The following DLG2 variants were observed in gnomAD, a reference collection of about 807,000 sequenced individuals.
DLG2 encodes the protein disks large homolog 2.
Under a neutral mutation model 132.5 loss-of-function variants are expected in DLG2, and 45 were observed. That is an observed-to-expected ratio of 0.34 (90% CI 0.27 to 0.44). DLG2 has a LOEUF of 0.44. DLG2 is among the 20% of genes least tolerant of loss of function. The pLI, the probability that DLG2 is intolerant of heterozygous loss-of-function variation, is 1.00. For synonymous variants in DLG2, 424 were observed against 419.6 expected (o/e 1.01, Z -0.13); for missense variants, 1,045 against 1,196.9 (o/e 0.87, Z 1.87).
chr11:84,915,508 C>A (rs2092398625), intron 6 of DLG2, among the ~76,000 whole-genome samples: 1 of 152,180 alleles, frequency 6.6e-6, no homozygotes, highest in South Asian at 2.1e-4. Flanking sequence ...ATAGCAATTT[C>A]TGAACACACT....
At chr11:85,066,749 T>A (rs1020901466) in intron 6 of DLG2, among the ~76,000 whole-genome samples, 1 of 151,622 alleles carries the variant, frequency 6.6e-6, no homozygotes, top group Non-Finnish European at 1.5e-5. Context: ...TATCCTATCA[T>A]AATAAAAATC....
intron 7 of DLG2, among the ~76,000 whole-genome samples, chr11:84,366,188 C>A (rs998932574): frequency 2.0e-5 from 3 of 151,912 alleles, no homozygotes; most frequent in Non-Finnish European, 4.4e-5. Flanking sequence ...AATTTTCAAC[C>A]CAGAATTTCA....
At chr11:85,102,415 T>C (rs1050654679) in intron 6 of DLG2, among the ~76,000 whole-genome samples, 4 of 151,954 alleles carry the variant, frequency 2.6e-5, no homozygotes, top group African/African-American at 7.2e-5. Flanking sequence ...TGCTATGTCA[T>C]AGAAAAATAG....
intron 11 of DLG2, among the ~76,000 whole-genome samples, chr11:83,992,740 C>T (rs1031807235): frequency 6.6e-6 from 1 of 152,062 alleles, no homozygotes; most frequent in Non-Finnish European, 1.5e-5. Flanking sequence ...AGGTCACTCC[C>T]TCCACTGAAT....
At chr11:83,867,294 G>A (rs1375353547) in intron 16 of DLG2, among the ~76,000 whole-genome samples, 2 of 151,978 alleles carry the variant, frequency 1.3e-5, no homozygotes, top group Admixed American at 6.6e-5. Context: ...TGGGTTAAAG[G>A]TACCTAAATT....
chr11:83,475,632 T>C (rs907408657), intron 22 of DLG2, among the ~76,000 whole-genome samples: 2 of 152,052 alleles, frequency 1.3e-5, no homozygotes, highest in African/African-American at 4.8e-5. Context: ...AGATAGGGGC[T>C]GAAACCAGGT....
chr11:85,292,662 G>T, intron 3 of DLG2, among the ~76,000 whole-genome samples: 1 of 11,840 alleles, frequency 8.4e-5, no homozygotes, highest in South Asian at 3.8e-3. Flanking sequence ...GGAAGGGAGG[G>T]AGGGAGGGAG....
At chr11:85,265,656 T>C (rs1197316147) in intron 4 of DLG2, among the ~76,000 whole-genome samples, 2 of 152,202 alleles carry the variant, frequency 1.3e-5, no homozygotes, top group African/African-American at 2.4e-5. Flanking sequence ...GATTGGTTCT[T>C]TCTGATTAAT....
chr11:84,020,550 C>T (rs2095361269), intron 11 of DLG2, among the ~76,000 whole-genome samples: 2 of 152,170 alleles, frequency 1.3e-5, no homozygotes, highest in Non-Finnish European at 2.9e-5. Context: ...ATAAAACAAG[C>T]TGAAAGGCAG....
chr11:83,692,852 T>C (rs896455803), intron 18 of DLG2: 1 of 152,194 alleles, frequency 6.6e-6, no homozygotes, highest in African/African-American at 2.4e-5. Flanking sequence ...ATGTGAGTTC[T>C]GGCCAATGTA....
chr11:83,920,643 T>C (rs1315724938), intron 15 of DLG2, among the ~76,000 whole-genome samples: 2 of 152,202 alleles, frequency 1.3e-5, no homozygotes, highest in Admixed American at 1.3e-4. Context: ...CTAAAATTTA[T>C]GGAGCACTTC....
intron 20 of DLG2, among the ~76,000 whole-genome samples, chr11:83,539,291 G>A (rs1219570717): frequency 6.6e-6 from 1 of 152,082 alleles, no homozygotes; most frequent in East Asian, 1.9e-4. Context: ...AAACATTTTT[G>A]AAAAGGATAT....
At chr11:85,044,594 G>A (rs1328636155) in intron 6 of DLG2, among the ~76,000 whole-genome samples, 3 of 151,940 alleles carry the variant, frequency 2.0e-5, no homozygotes, top group Non-Finnish European at 2.9e-5. Context: ...AACTGTTAAT[G>A]AGTAGTTACT....
At chr11:84,918,706 T>C (rs1445583885) in intron 6 of DLG2, among the ~76,000 whole-genome samples, 1 of 152,200 alleles carries the variant, frequency 6.6e-6, no homozygotes, top group African/African-American at 2.4e-5. Context: ...TGTGACTTAG[T>C]GTAAGTGGTT....
chr11:84,587,781 T>A (rs894325796), intron 6 of DLG2, among the ~76,000 whole-genome samples: 2 of 152,192 alleles, frequency 1.3e-5, no homozygotes, highest in Non-Finnish European at 2.9e-5. Flanking sequence ...AAAACCTTGC[T>A]CATTATATTA....
intron 7 of DLG2, among the ~76,000 whole-genome samples, chr11:84,463,445 C>A (rs755101525): frequency 4.0e-5 from 6 of 151,142 alleles, no homozygotes; most frequent in Non-Finnish European, 5.9e-5. Flanking sequence ...TCTGAGCCCT[C>A]TGTGCTAAGG....
chr11:85,253,623 C>T (rs2076513324), intron 4 of DLG2, among the ~76,000 whole-genome samples: 1 of 152,130 alleles, frequency 6.6e-6, no homozygotes, highest in Admixed American at 6.6e-5. Context: ...TTTAGCTCTG[C>T]CATCCATGGA....
intron 6 of DLG2, among the ~76,000 whole-genome samples, chr11:84,735,164 G>A (rs1181432779): frequency 1.3e-5 from 2 of 152,124 alleles, no homozygotes; most frequent in African/African-American, 4.8e-5. Context: ...AAATGAGTTA[G>A]GGAAGATTCC....
chr11:84,060,324 T>C (rs1232731487), intron 10 of DLG2, among the ~76,000 whole-genome samples: 2 of 151,796 alleles, frequency 1.3e-5, no homozygotes, highest in East Asian at 3.9e-4. Flanking sequence ...AAAAAGAAAA[T>C]AATAATAATA....
Sources: allele counts gnomAD v4.1 joint callset (sites outside exome capture counted in the v4.1 genomes callset), GRCh38; gene constraint gnomAD v4.1.1; transcripts MANE v1.5; gene names NCBI Gene and HGNC (gene_info 2026-07-23, HGNC 2026-07-21).